Variants in NT5DC1 observed in about 807,000 individuals in gnomAD.
The protein encoded by NT5DC1 is 5'-nucleotidase domain-containing protein 1.
NT5DC1 carries 42 observed loss-of-function variants against 59.4 expected under a neutral mutation model. The ratio of observed to expected loss-of-function variants is 0.71; its 90% CI spans 0.55 to 0.92. NT5DC1 has a LOEUF of 0.92. Ranked by LOEUF, NT5DC1 falls within the 40% of genes least tolerant of loss-of-function variation. The probability of loss-of-function intolerance (pLI) is 0.00; values close to 1 mark genes in which losing one functional copy is unlikely to be tolerated. For synonymous variants in NT5DC1, 172 were observed against 188.1 expected (o/e 0.91, Z 0.70); for missense variants, 501 against 537.1 (o/e 0.93, Z 0.66).
At chr6:116,129,398 G>C (rs1398264837) in intron 6 of NT5DC1, among the ~76,000 whole-genome samples, 2 of 152,192 alleles carry the variant, frequency 1.3e-5, no homozygotes, top group Non-Finnish European at 2.9e-5. Context: ...AATTCTTAAT[G>C]TAACAGTTTT....
intron 6 of NT5DC1, among the ~76,000 whole-genome samples, chr6:116,187,051 G>A (rs960637713): frequency 2.6e-5 from 4 of 152,020 alleles, no homozygotes; most frequent in African/African-American, 9.7e-5. Context: ...TTGTCCCACA[G>A]GGTGCTCCCT....
chr6:116,198,920 T>C (rs1275332742), intron 6 of NT5DC1, among the ~76,000 whole-genome samples: 2 of 152,120 alleles, frequency 1.3e-5, no homozygotes, highest in Non-Finnish European at 2.9e-5. Flanking sequence ...ATAAACAGTG[T>C]AAATTAGATG....
In NT5DC1 at chr6:116,121,656, C is replaced by T. The variant is rs886060993; in HGVS notation, c.529+3711C>T. 1 of 1,614,056 alleles carries T rather than the reference C, an allele frequency of 6.2e-7. No homozygotes were observed. The highest frequency in any genetic ancestry group is 2.2e-5 in the East Asian group (1 of 44,878). On this transcript the variant is annotated intron_variant, in intron 6 of 11. Coordinates refer to ENST00000319550, the MANE Select transcript of NT5DC1 (RefSeq NM_152729.3). ...CCCTGTTGTCCAGGTTTTCCTGGCA[C>T]AGAAATTCCAGCCGGTCCAGGGATT...
chr6:116,111,558 C>T (rs1456393877), intron 4 of NT5DC1, among the ~76,000 whole-genome samples: 1 of 151,982 alleles, frequency 6.6e-6, no homozygotes, highest in African/African-American at 2.4e-5. Flanking sequence ...ATTAAAAATC[C>T]TAATTATTAG....
At chr6:116,150,485 A>C (rs527930046) in intron 6 of NT5DC1, among the ~76,000 whole-genome samples, 8 of 152,166 alleles carry the variant, frequency 5.3e-5, no homozygotes, top group Admixed American at 5.2e-4. Context: ...GGGTTTTACC[A>C]TGTTGGCCAG....
chr6:116,186,620 A>G (rs1781005488), intron 6 of NT5DC1, among the ~76,000 whole-genome samples: 1 of 151,964 alleles, frequency 6.6e-6, no homozygotes, highest in Non-Finnish European at 1.5e-5. Context: ...TTAATTTGAA[A>G]GCCTTGTCTT....
rs79710060 is a variant in NT5DC1 at position 116,131,261 on chromosome 6, G to A, written c.529+13316G>A. Among the ~76,000 whole-genome samples the A allele has an allele frequency of 3.2e-4, 49 of 152,258 alleles. 1 individual carries two copies. In the East Asian group the frequency reaches 9.4e-3, roughly 29 times the overall value. The stretch of plus-strand genomic sequence containing the variant: ...CCAGCAAACATTGTATATTTCTGAA[G>A]TCAAATTTATAAAACAAGGAATATT... On this transcript the variant is annotated intron_variant, in intron 6 of 11. Coordinates refer to ENST00000319550, the MANE Select transcript of NT5DC1 (RefSeq NM_152729.3).
chr6:116,238,083 G>A, intron 9 of NT5DC1, 104 bp from the exon 10 acceptor site: 2 of 758,456 alleles, frequency 2.6e-6, no homozygotes, highest in South Asian at 2.0e-5. Context: ...ATTTTTGATT[G>A]TCATACTCTG....
intron 6 of NT5DC1, chr6:116,126,109 G>C (rs1779298858): frequency 6.5e-6 from 1 of 154,466 alleles, no homozygotes; most frequent in Non-Finnish European, 1.4e-5. Flanking sequence ...AGCTTCCTCT[G>C]CCCAGATGAG....
At chr6:116,191,503 A>C (rs757659948) in intron 6 of NT5DC1, among the ~76,000 whole-genome samples, 23 of 152,176 alleles carry the variant, frequency 1.5e-4, no homozygotes, top group Middle Eastern at 3.4e-3. Flanking sequence ...TGATAGATGA[A>C]ATAGCCTTCA....
intron 6 of NT5DC1, chr6:116,121,915 A>C: frequency 5.6e-6 from 9 of 1,613,798 alleles, no homozygotes; most frequent in Non-Finnish European, 7.6e-6. Context: ...GAGGTCCAGC[A>C]GGGCCTGGTG....
At chr6:116,176,865 ATCT>A (rs1780745896) in intron 6 of NT5DC1, among the ~76,000 whole-genome samples, 1 of 152,126 alleles carries the variant, frequency 6.6e-6, no homozygotes, top group Non-Finnish European at 1.5e-5. Flanking sequence ...CTGTCCTGTG[ATCT>A]TCTCACTTCT....
rs1292212141 is a variant in NT5DC1, at chr6:116,246,768, A to G, written c.*2744A>G. The stretch of plus-strand genomic sequence containing the variant: ...CTGCTTTTATTAAAGCCATGAGGGC[A>G]TACCAAGTAATTCACCCAGTATGGT... On this transcript the variant is annotated 3_prime_UTR_variant, in exon 12 of 12. Transcript: ENST00000319550. 6.6e-6 allele frequency: 1 copy of G among 152,212 alleles called. No individual in the cohort carries two copies. Among genetic ancestry groups the G allele is most frequent in the Non-Finnish European group, 1.5e-5 (1 of 68,022 alleles). 9.4% of individuals were successfully genotyped at this position (152,212 alleles called of 1,614,324 possible). A position where few individuals can be genotyped will look rare whatever the true frequency, so the allele number is the denominator to read the frequency against.
In NT5DC1 at chr6:116,125,423, G is replaced by A. The variant is rs199808053; in HGVS notation, c.529+7478G>A. On this transcript the variant is annotated intron_variant, in intron 6 of 11. Coordinates refer to ENST00000319550, the MANE Select transcript of NT5DC1 (RefSeq NM_152729.3). ...TTTATGCCTGTGGGCATTTGGTATC[G>A]TTCAGCGTAAAACACTCCATGAACC... 154 of 1,613,656 alleles carry A rather than the reference G, an allele frequency of 9.5e-5. No individual in the cohort carries two copies. Among genetic ancestry groups the A allele is most frequent in the South Asian group, 3.6e-4 (33 of 91,068 alleles).
intron 8 of NT5DC1, among the ~76,000 whole-genome samples, chr6:116,227,003 C>T (rs1281331273): frequency 6.6e-6 from 1 of 151,976 alleles, no homozygotes; most frequent in Admixed American, 6.6e-5. Context: ...AAAATCTATT[C>T]TCTTAGTAAA....
intron 6 of NT5DC1, among the ~76,000 whole-genome samples, chr6:116,122,705 A>G (rs1779169646): frequency 6.6e-6 from 1 of 152,246 alleles, no homozygotes; most frequent in African/African-American, 2.4e-5. Context: ...AGTATGGGGA[A>G]AGCACAGGGT....
intron 6 of NT5DC1, among the ~76,000 whole-genome samples, chr6:116,204,169 C>T (rs1177401179): frequency 1.3e-5 from 2 of 151,872 alleles, no homozygotes; most frequent in African/African-American, 4.8e-5. Context: ...GTAAGAAACA[C>T]TTCAGGAGTT....
intron 6 of NT5DC1, among the ~76,000 whole-genome samples, chr6:116,166,606 T>C (rs1174553402): frequency 1.3e-5 from 2 of 152,194 alleles, no homozygotes; most frequent in Non-Finnish European, 2.9e-5. Context: ...ATATTTCCCT[T>C]GAGGTTTTCA....
chr6:116,109,549 A>G (rs934965571), intron 3 of NT5DC1, among the ~76,000 whole-genome samples: 4 of 152,110 alleles, frequency 2.6e-5, no homozygotes, highest in Non-Finnish European at 5.9e-5. Flanking sequence ...TACCCCTCCT[A>G]CAAGGTCTGT....
Sources: gnomAD v4.1 joint callset for allele counts (sites outside exome capture counted in the v4.1 genomes callset) on GRCh38, gnomAD v4.1.1 for gene constraint, MANE v1.5 for transcripts, NCBI Gene and HGNC (gene_info 2026-07-23, HGNC 2026-07-21) for gene names.